DLG2: variants seen among roughly 807,000 people sequenced by gnomAD.
The protein encoded by DLG2 is discs large MAGUK scaffold protein 2.
In DLG2, 45 loss-of-function variants were observed where a neutral mutation model predicts 132.5. The ratio of observed to expected loss-of-function variants is 0.34; its 90% CI spans 0.27 to 0.44. DLG2 has a LOEUF of 0.44. DLG2 is among the 20% of genes least tolerant of loss of function. The pLI, the probability that DLG2 is intolerant of heterozygous loss-of-function variation, is 1.00. For synonymous variants in DLG2, 424 were observed against 419.6 expected (o/e 1.01, Z -0.13); for missense variants, 1,045 against 1,196.9 (o/e 0.87, Z 1.87).
intron 6 of DLG2, among the ~76,000 whole-genome samples, chr11:84,849,762 G>C (rs988266689): frequency 6.6e-6 from 1 of 151,996 alleles, no homozygotes; most frequent in African/African-American, 2.4e-5. Context: ...GCAAGTATTT[G>C]TGTACTTTGG....
At chr11:84,928,933 T>C (rs1395752819) in intron 6 of DLG2, among the ~76,000 whole-genome samples, 1 of 142,818 alleles carries the variant, frequency 7.0e-6, no homozygotes, top group African/African-American at 2.6e-5. Flanking sequence ...AAGAAGGCTA[T>C]GCAATACTTA....
At chr11:85,430,958 C>G (rs1214752608) in intron 3 of DLG2, among the ~76,000 whole-genome samples, 2 of 151,422 alleles carry the variant, frequency 1.3e-5, no homozygotes, top group Non-Finnish European at 2.9e-5. Context: ...AGTGACAGAG[C>G]GAGACTCTGT....
chr11:84,801,636 C>A (rs2075391850), intron 6 of DLG2, among the ~76,000 whole-genome samples: 1 of 152,158 alleles, frequency 6.6e-6, no homozygotes, highest in South Asian at 2.1e-4. Context: ...GTGATGGGAG[C>A]TGTGTCCCCC....
At position 84,640,394 on chromosome 11, in the gene DLG2, A is replaced by G. The variant is rs137928437; in HGVS notation, c.358-105663T>C. 489 of 390,794 alleles carry G rather than the reference A, an allele frequency of 1.3e-3. 2 individuals carry two copies. Among genetic ancestry groups the G allele is most frequent in the African/African-American group, 9.3e-3 (428 of 46,224 alleles). 24.2% of individuals were successfully genotyped at this position (390,794 alleles called of 1,614,324 possible). A position where few individuals can be genotyped will look rare whatever the true frequency, so the allele number is the denominator to read the frequency against. ...TAAGGCCAAATGTTGCTTGTTTGGT[A>G]TCTCAAGCCCAGAACGATGAATTAA... On this transcript the variant is annotated intron_variant, in intron 6 of 27. Transcript: ENST00000376104.
At chr11:83,788,504 C>T (rs1386920569) in intron 17 of DLG2, among the ~76,000 whole-genome samples, 7 of 152,286 alleles carry the variant, frequency 4.6e-5, no homozygotes, top group African/African-American at 1.7e-4. Context: ...GAATCTAAAG[C>T]CCCCTTAAAG....
chr11:85,410,303 T>A (rs2089196574), intron 3 of DLG2, among the ~76,000 whole-genome samples: 1 of 151,728 alleles, frequency 6.6e-6, no homozygotes, highest in Non-Finnish European at 1.5e-5. Context: ...ATAAATAAAA[T>A]GTAATCACTG....
intron 15 of DLG2, among the ~76,000 whole-genome samples, chr11:83,911,296 G>T (rs1477306884): frequency 6.6e-6 from 1 of 152,064 alleles, no homozygotes; most frequent in East Asian, 1.9e-4. Context: ...TAAGGCAAAG[G>T]TGTAGGTTTG....
intron 21 of DLG2, among the ~76,000 whole-genome samples, chr11:83,503,516 T>C (rs563809723): frequency 6.6e-6 from 1 of 150,552 alleles, no homozygotes; most frequent in Middle Eastern, 3.4e-3. Flanking sequence ...CAATAAGGCA[T>C]CTGCAAGCTG....
intron 18 of DLG2, among the ~76,000 whole-genome samples, chr11:83,761,619 A>G (rs1356412810): frequency 6.6e-6 from 1 of 152,054 alleles, no homozygotes; most frequent in Non-Finnish European, 1.5e-5. Flanking sequence ...CCCCAACATC[A>G]TATCTCAGGT....
intron 8 of DLG2, among the ~76,000 whole-genome samples, chr11:84,201,152 T>A (rs927089056): frequency 6.6e-6 from 1 of 152,200 alleles, no homozygotes; most frequent in South Asian, 2.1e-4. Flanking sequence ...GTTTTTAACA[T>A]GTAGGGATGT....
chr11:83,896,072 G>T (rs2071575531), intron 15 of DLG2, among the ~76,000 whole-genome samples: 1 of 152,104 alleles, frequency 6.6e-6, no homozygotes, highest in African/African-American at 2.4e-5. Context: ...CAGTACACTT[G>T]ACAAGGGGTG....
chr11:84,311,520 TA>T (rs766129198), intron 7 of DLG2, among the ~76,000 whole-genome samples: 6 of 152,348 alleles, frequency 3.9e-5, no homozygotes, highest in Non-Finnish European at 7.3e-5. Flanking sequence ...CTTTTAAGCA[TA>T]AAACATTTCC....
At chr11:83,469,403 G>T in intron 24 of DLG2, 30 bp from the exon 25 acceptor site, 1 of 1,582,234 alleles carries the variant, frequency 6.3e-7, no homozygotes, top group Non-Finnish European at 8.6e-7. Context: ...ATAAAATTAA[G>T]GTGCATTTAT....
chr11:83,512,549 T>C (rs2095085480), intron 21 of DLG2, among the ~76,000 whole-genome samples: 1 of 152,284 alleles, frequency 6.6e-6, no homozygotes, highest in Non-Finnish European at 1.5e-5. Context: ...ATTTATATTA[T>C]ACTTTAAGTT....
intron 6 of DLG2, among the ~76,000 whole-genome samples, chr11:84,905,193 C>T (rs528223090): frequency 3.3e-5 from 5 of 152,226 alleles, no homozygotes; most frequent in African/African-American, 7.2e-5. Flanking sequence ...AAAATTCAGG[C>T]ATGACCTGAA....
At chr11:85,533,535 C>A (rs957406750) in intron 3 of DLG2, among the ~76,000 whole-genome samples, 2 of 151,110 alleles carry the variant, frequency 1.3e-5, no homozygotes, top group African/African-American at 4.9e-5. Flanking sequence ...TTTTCTTTAT[C>A]TAAATCCATC....
At position 83,459,021 on chromosome 11, in the gene DLG2, G is replaced by A. The variant is rs2089418712; in HGVS notation, c.*797C>T. 1 of 152,302 alleles carries A rather than the reference G, an allele frequency of 6.6e-6. No homozygotes were observed. The highest frequency in any genetic ancestry group is 2.1e-4 in the South Asian group (1 of 4,826). The allele number at this position is 152,302 out of a possible 1,614,324, so 9.4% of individuals were successfully genotyped here. On this transcript the variant is annotated 3_prime_UTR_variant, in exon 28 of 28. Coordinates refer to ENST00000376104, the MANE Select transcript of DLG2 (RefSeq NM_001142699.3). Reference sequence around the variant, plus strand: ...CATCTGCTGATGTTGCATACATTTAGTCTTTCAATATTAGTCTTTACAAAA... The same window carrying A: ...CATCTGCTGATGTTGCATACATTTAATCTTTCAATATTAGTCTTTACAAAA...
At chr11:84,663,353 G>T (rs1393067047) in intron 6 of DLG2, among the ~76,000 whole-genome samples, 1 of 151,776 alleles carries the variant, frequency 6.6e-6, no homozygotes, top group Non-Finnish European at 1.5e-5. Flanking sequence ...CCTGACCCAA[G>T]GCTGGATCAA....
intron 6 of DLG2, among the ~76,000 whole-genome samples, chr11:84,938,046 C>T (rs1200606101): frequency 2.6e-5 from 4 of 152,082 alleles, no homozygotes; most frequent in South Asian, 2.1e-4. Context: ...AGAAAAGGAA[C>T]CTTGAAATAC....
Sources: gnomAD v4.1 joint callset for allele counts (sites outside exome capture counted in the v4.1 genomes callset) on GRCh38, gnomAD v4.1.1 for gene constraint, MANE v1.5 for transcripts, NCBI Gene and HGNC (gene_info 2026-07-23, HGNC 2026-07-21) for gene names.